The following GPRASP3 variants were observed in gnomAD, a reference collection of about 807,000 sequenced individuals.
GPRASP3 encodes G protein-coupled receptor associated sorting protein family member 3, also known as G protein-coupled receptor associated sorting protein 3.
chrX:102,738,236 CAG>C, the GPRASP3 span, among the ~76,000 whole-genome samples: 1 of 112,282 alleles, frequency 8.9e-6, no homozygotes, highest in East Asian at 2.8e-4. Flanking sequence ...GAAGAGAGAA[CAG>C]AGGAGGAAAA....
At chrX:102,750,385 G>A in the GPRASP3 span, 2 of 1,201,666 alleles carry the variant, frequency 1.7e-6, no homozygotes, top group African/African-American at 3.5e-5. Flanking sequence ...CAGAAATCTT[G>A]TTTTGAAACT....
At chrX:102,730,948 G>GA in the GPRASP3 span, among the ~76,000 whole-genome samples, 5 of 112,066 alleles carry the variant, frequency 4.5e-5, no homozygotes, top group Admixed American at 9.4e-5. Context: ...AAATTGAAAT[G>GA]AAAAAAAGAA....
chrX:102,722,991 T>C, the GPRASP3 span, among the ~76,000 whole-genome samples: 1 of 111,548 alleles, frequency 9.0e-6, no homozygotes, highest in African/African-American at 3.3e-5. Context: ...ATTTGGAATG[T>C]CCTCAGTGCA....
chrX:102,737,567 AC>A, the GPRASP3 span, among the ~76,000 whole-genome samples: 1 of 111,679 alleles, frequency 9.0e-6, no homozygotes, highest in African/African-American at 3.3e-5. Flanking sequence ...AAGAATTCCT[AC>A]CAGTCTACCA....
At chrX:102,730,550 G>A in the GPRASP3 span, among the ~76,000 whole-genome samples, 1 of 112,344 alleles carries the variant, frequency 8.9e-6, no homozygotes, top group East Asian at 2.8e-4. Context: ...GAAGAAAAGA[G>A]CATGGAATCA....
the GPRASP3 span, among the ~76,000 whole-genome samples, chrX:102,744,655 T>C: frequency 5.3e-5 from 6 of 112,231 alleles, no homozygotes; most frequent in Admixed American, 5.7e-4. Context: ...GTATTGGTAC[T>C]TTTAGGAATT....
At chrX:102,724,722 T>C in the GPRASP3 span, among the ~76,000 whole-genome samples, 1 of 104,384 alleles carries the variant, frequency 9.6e-6, no homozygotes, top group Admixed American at 1.0e-4. Flanking sequence ...GTGACTGGTG[T>C]GTGTGTGTGT....
chrX:102,726,984 A>G, the GPRASP3 span, among the ~76,000 whole-genome samples: 1 of 112,539 alleles, frequency 8.9e-6, no homozygotes, highest in Admixed American at 9.4e-5. Flanking sequence ...CCTGGGAAAC[A>G]TGAGTTCTGC....
the GPRASP3 span, among the ~76,000 whole-genome samples, chrX:102,743,259 C>T: frequency 9.1e-6 from 1 of 109,857 alleles, no homozygotes; most frequent in East Asian, 2.9e-4. Context: ...CAGTTCCCAG[C>T]TTTACTTTTC....
At chrX:102,740,912 A>C in the GPRASP3 span, among the ~76,000 whole-genome samples, 1 of 111,431 alleles carries the variant, frequency 9.0e-6, no homozygotes, top group Non-Finnish European at 1.9e-5. Context: ...GAAAAGAAAA[A>C]ACTGCACACG....
the GPRASP3 span, among the ~76,000 whole-genome samples, chrX:102,732,316 G>A: frequency 8.9e-6 from 1 of 111,742 alleles, no homozygotes; most frequent in East Asian, 2.8e-4. Flanking sequence ...GGTGAAAGCA[G>A]TATCTAGCCA....
chrX:102,723,781 C>T, the GPRASP3 span, among the ~76,000 whole-genome samples: 2 of 111,517 alleles, frequency 1.8e-5, no homozygotes, highest in Non-Finnish European at 3.8e-5. Flanking sequence ...AACTTTGGGC[C>T]AGCTCAACCT....
chrX:102,721,405 C>T, the GPRASP3 span, among the ~76,000 whole-genome samples: 3 of 111,335 alleles, frequency 2.7e-5, no homozygotes, highest in Non-Finnish European at 3.8e-5. Flanking sequence ...TCAAAACTGG[C>T]GGAGGGTGGA....
chrX:102,731,472 TA>T, the GPRASP3 span, among the ~76,000 whole-genome samples: 2 of 109,551 alleles, frequency 1.8e-5, no homozygotes, highest in Admixed American at 9.7e-5. Context: ...AATAAAAAAA[TA>T]AAAAAACCCA....
chrX:102,734,936 C>A, the GPRASP3 span, among the ~76,000 whole-genome samples: 1 of 111,699 alleles, frequency 9.0e-6, no homozygotes, highest in Non-Finnish European at 1.9e-5. Flanking sequence ...GACCTAATAT[C>A]TAAAACATTA....
At chrX:102,723,797 G>A in the GPRASP3 span, among the ~76,000 whole-genome samples, 2,662 of 111,496 alleles carry the variant, frequency 0.024, 75 homozygotes, top group African/African-American at 0.083. Flanking sequence ...AACCTTCAGG[G>A]AAGGTAGTGG....
chrX:102,734,043 T>A, the GPRASP3 span, among the ~76,000 whole-genome samples: 1 of 111,030 alleles, frequency 9.0e-6, no homozygotes, highest in African/African-American at 3.3e-5. Context: ...GGAGAAGGAA[T>A]TTCATAAGAT....
At chrX:102,752,468 A>G in the GPRASP3 span, 21 of 123,538 alleles carry the variant, frequency 1.7e-4, no homozygotes, top group Non-Finnish European at 3.7e-4. Flanking sequence ...TATTTTTCCC[A>G]TGTTAACAGT....
chrX:102,741,106 C>T, the GPRASP3 span, among the ~76,000 whole-genome samples: 1 of 111,459 alleles, frequency 9.0e-6, no homozygotes, highest in Non-Finnish European at 1.9e-5. Flanking sequence ...CAATTCTTGC[C>T]TCCTCAGAAG....
Sources: allele counts gnomAD v4.1 joint callset (sites outside exome capture counted in the v4.1 genomes callset), GRCh38; gene constraint gnomAD v4.1.1; transcripts MANE v1.5; gene names NCBI Gene and HGNC (gene_info 2026-07-23, HGNC 2026-07-21).